The following MSH3 variants were observed in gnomAD, a reference collection of about 807,000 sequenced individuals.
MSH3 encodes DNA mismatch repair protein Msh3.
A neutral mutation model predicts 123.3 loss-of-function variants in MSH3; 106 were observed. That is an observed-to-expected ratio of 0.86 (90% CI 0.73 to 1.01). The LOEUF is 1.01. Among genes scored for constraint, MSH3 ranks in the 50% least tolerant of loss-of-function variants. MSH3 has a pLI of 0.00. For synonymous variants in MSH3, 515 were observed against 481.4 expected (o/e 1.07, Z -0.91); for missense variants, 1,459 against 1,347.6 (o/e 1.08, Z -1.29).
chr5:80,725,939 G>C (rs925879090), intron 9 of MSH3, among the ~76,000 whole-genome samples: 1 of 152,212 alleles, frequency 6.6e-6, no homozygotes, highest in East Asian at 1.9e-4. Flanking sequence ...AGAGTGGAAG[G>C]AGTTTTGACC....
chr5:80,681,866 A>T (rs1561440631), intron 8 of MSH3, among the ~76,000 whole-genome samples: 1 of 152,276 alleles, frequency 6.6e-6, no homozygotes, highest in East Asian at 1.9e-4. Flanking sequence ...ATCACATGAG[A>T]TTTAAAAGCT....
intron 20 of MSH3, among the ~76,000 whole-genome samples, chr5:80,841,280 A>G (rs906838272): frequency 1.3e-5 from 2 of 152,208 alleles, no homozygotes; most frequent in African/African-American, 4.8e-5. Flanking sequence ...TATATGTGCC[A>G]TATTTTCTTA....
In MSH3 at chr5:80,798,892, G is replaced by A. The variant is rs545864946; in HGVS notation, c.2655+6048G>A. ...ACCCAACAAAACACTGCCTCTTCCT[G>A]AGAGCCTTCACCATCCTCTGGCCAG... On this transcript the variant is annotated intron_variant, in intron 19 of 23. Transcript: ENST00000265081. Among the ~76,000 whole-genome samples the A allele has an allele frequency of 1.4e-4, 22 of 152,288 alleles. No homozygotes were observed. In the Middle Eastern group the frequency reaches 0.014, roughly 94 times the overall value.
chr5:80,728,184 T>C (rs1445823923), intron 9 of MSH3, among the ~76,000 whole-genome samples: 1 of 152,206 alleles, frequency 6.6e-6, no homozygotes, highest in African/African-American at 2.4e-5. Context: ...AATAGTCTAA[T>C]GATCTGATAT....
At chr5:80,703,607 C>G (rs1750656587) in intron 8 of MSH3, among the ~76,000 whole-genome samples, 1 of 152,010 alleles carries the variant, frequency 6.6e-6, no homozygotes, top group African/African-American at 2.4e-5. Context: ...ATTCTGAAGT[C>G]CTGTGTATGC....
At chr5:80,732,006 G>C (rs913061437) in intron 10 of MSH3, among the ~76,000 whole-genome samples, 1 of 152,078 alleles carries the variant, frequency 6.6e-6, no homozygotes, top group Admixed American at 6.6e-5. Context: ...TGTGCCATTA[G>C]AATAGAATTT....
At chr5:80,678,214 T>G (rs1431574634) in intron 7 of MSH3, among the ~76,000 whole-genome samples, 3 of 152,222 alleles carry the variant, frequency 2.0e-5, no homozygotes, top group Non-Finnish European at 4.4e-5. Flanking sequence ...TCAGATTTCC[T>G]GGGTTTGAAT....
chr5:80,743,425 A>T (rs113365714), intron 11 of MSH3, among the ~76,000 whole-genome samples: 143 of 152,126 alleles, frequency 9.4e-4, no homozygotes, highest in African/African-American at 3.3e-3. Context: ...ATTGTATCCT[A>T]ATTACGAGTC....
intron 6 of MSH3, 135 bp from the exon 7 acceptor site, chr5:80,674,848 G>A: frequency 1.3e-6 from 1 of 756,278 alleles, no homozygotes; most frequent in Non-Finnish European, 2.1e-6. Flanking sequence ...CTAAAGTGCT[G>A]GGATTACAGG....
At chr5:80,845,228 C>G (rs1745699879) in intron 20 of MSH3, among the ~76,000 whole-genome samples, 1 of 152,132 alleles carries the variant, frequency 6.6e-6, no homozygotes, top group Admixed American at 6.6e-5. Flanking sequence ...GAATATTGGC[C>G]CCCACTCTCT....
At chr5:80,754,675 A>G (rs1333748731) in intron 12 of MSH3, among the ~76,000 whole-genome samples, 1 of 152,180 alleles carries the variant, frequency 6.6e-6, no homozygotes, top group East Asian at 1.9e-4. Context: ...AAATCACATA[A>G]TTAAGGGAAT....
At chr5:80,737,568 C>T (rs532625120) in intron 10 of MSH3, among the ~76,000 whole-genome samples, 4 of 152,162 alleles carry the variant, frequency 2.6e-5, no homozygotes, top group Non-Finnish European at 5.9e-5. Flanking sequence ...TAGAATTTGT[C>T]TTCTTCTACA....
Position 80,672,235 on chromosome 5 carries a change from AT to A in MSH3, c.793-3del, listed in dbSNP as rs754475791. 6 of 1,591,062 alleles carry A rather than the reference AT, an allele frequency of 3.8e-6. No individual in the cohort carries two copies. The highest frequency in any genetic ancestry group is 5.2e-6 in the Non-Finnish European group (6 of 1,159,992). On this transcript the variant is annotated splice_region_variant and splice_polypyrimidine_tract_variant and intron_variant, in intron 4 of 23. Transcript: ENST00000265081. Reference sequence around the variant, plus strand: ...AAATTTATTGATATTTTCTTTTTTCATTTTTTAGATTGCAGCCCGAGAGCTC... The same window carrying A: ...AAATTTATTGATATTTTCTTTTTTCATTTTTAGATTGCAGCCCGAGAGCTC...
At chr5:80,655,285 T>A in intron 1 of MSH3, 1 of 172,466 alleles carries the variant, frequency 5.8e-6, no homozygotes, top group Non-Finnish European at 1.2e-5. Context: ...ACCTCCATCC[T>A]TTTTTTTTTT....
intron 22 of MSH3, among the ~76,000 whole-genome samples, chr5:80,872,630 A>C (rs1047887853): frequency 2.6e-5 from 4 of 152,160 alleles, no homozygotes; most frequent in Non-Finnish European, 5.9e-5. Context: ...ACATAGCAAG[A>C]CCTGATCTCT....
At chr5:80,862,843 C>T (rs1746036742) in intron 21 of MSH3, among the ~76,000 whole-genome samples, 1 of 152,162 alleles carries the variant, frequency 6.6e-6, no homozygotes, top group African/African-American at 2.4e-5. Context: ...AAAAGTGAAA[C>T]CTCTGCTTTA....
intron 20 of MSH3, among the ~76,000 whole-genome samples, chr5:80,848,609 G>A (rs1362453506): frequency 6.6e-6 from 1 of 152,216 alleles, no homozygotes; most frequent in African/African-American, 2.4e-5. Flanking sequence ...GTGGATGGCA[G>A]CAGGTAAAGA....
chr5:80,820,370 A>G (rs1437002216), intron 20 of MSH3, among the ~76,000 whole-genome samples: 2 of 152,218 alleles, frequency 1.3e-5, no homozygotes, highest in African/African-American at 2.4e-5. Flanking sequence ...AGAAGAATAT[A>G]TTGGGTAGTA....
intron 19 of MSH3, among the ~76,000 whole-genome samples, chr5:80,800,148 C>T (rs890941980): frequency 6.6e-6 from 1 of 152,208 alleles, no homozygotes; most frequent in African/African-American, 2.4e-5. Flanking sequence ...ATAGAATGTA[C>T]TTCTAGTCTC....
Sources: allele counts gnomAD v4.1 joint callset (sites outside exome capture counted in the v4.1 genomes callset), GRCh38; gene constraint gnomAD v4.1.1; transcripts MANE v1.5; gene names NCBI Gene and HGNC (gene_info 2026-07-23, HGNC 2026-07-21).